Variants in KCNH1 observed in about 807,000 individuals in gnomAD.
The protein encoded by KCNH1 is voltage-gated delayed rectifier potassium channel KCNH1.
A neutral mutation model predicts 69.2 loss-of-function variants in KCNH1; 27 were observed. The observed-to-expected ratio is 0.39, with a 90% confidence interval of 0.29 to 0.54. KCNH1 has a LOEUF of 0.54. KCNH1 is among the 20% of genes least tolerant of loss of function. The pLI is 0.68. For missense variants in KCNH1, 798 were observed against 1,261.6 expected, an observed-to-expected ratio of 0.63 and a Z score of 5.57; for synonymous variants, 456 against 487.7, an observed-to-expected ratio of 0.93 and a Z score of 0.86.
chr1:210,756,711 C>T (rs1055951534), intron 10 of KCNH1, among the ~76,000 whole-genome samples: 12 of 152,210 alleles, frequency 7.9e-5, no homozygotes, highest in African/African-American at 2.9e-4. Context: ...TCACTGGTGG[C>T]CCCCTGGGAA....
intron 7 of KCNH1, among the ~76,000 whole-genome samples, chr1:210,850,314 A>G (rs1685671466): frequency 6.6e-6 from 1 of 152,072 alleles, no homozygotes; most frequent in Non-Finnish European, 1.5e-5. Context: ...CCTAGCCAAC[A>G]TGGTGAAACC....
intron 9 of KCNH1, among the ~76,000 whole-genome samples, chr1:210,783,824 C>T (rs964556269): frequency 6.6e-6 from 1 of 152,204 alleles, no homozygotes; most frequent in African/African-American, 2.4e-5. Context: ...TTTGTTGGAG[C>T]AGCTGAACCT....
intron 10 of KCNH1, among the ~76,000 whole-genome samples, chr1:210,700,521 ATTCTC>A (rs983623705): frequency 1.6e-4 from 25 of 152,112 alleles, no homozygotes; most frequent in Non-Finnish European, 3.1e-4. Flanking sequence ...TTAACCCTGT[ATTCTC>A]TTTGTCTTTT....
intron 7 of KCNH1, among the ~76,000 whole-genome samples, chr1:210,846,368 G>A (rs1685548191): frequency 6.6e-6 from 1 of 152,116 alleles, no homozygotes; most frequent in African/African-American, 2.4e-5. Flanking sequence ...CATGGTACTG[G>A]TACCAAAACA....
chr1:210,726,325 A>G (rs1682589497), intron 10 of KCNH1, among the ~76,000 whole-genome samples: 1 of 152,152 alleles, frequency 6.6e-6, no homozygotes, highest in Non-Finnish European at 1.5e-5. Flanking sequence ...TTGGGAGCAA[A>G]TTGATTATTC....
intron 6 of KCNH1, among the ~76,000 whole-genome samples, chr1:211,009,531 A>G (rs1338182969): frequency 6.6e-6 from 1 of 152,128 alleles, no homozygotes; most frequent in Non-Finnish European, 1.5e-5. Flanking sequence ...GAAGGAGGGA[A>G]GCAGAGTACG....
At chr1:210,980,090 TG>T (rs1413666962) in intron 6 of KCNH1, among the ~76,000 whole-genome samples, 1 of 152,220 alleles carries the variant, frequency 6.6e-6, no homozygotes, top group Non-Finnish European at 1.5e-5. Flanking sequence ...TTTCCTTCTA[TG>T]TTCACTTCTT....
chr1:211,047,944 T>G (rs4326688), intron 5 of KCNH1, among the ~76,000 whole-genome samples: 31,792 of 148,890 alleles, frequency 0.21, 3,550 homozygotes, highest in Non-Finnish European at 0.25. Context: ...AACAAACATA[T>G]GAAAAAATAT....
chr1:211,088,718 A>C (rs922539280), intron 4 of KCNH1, among the ~76,000 whole-genome samples: 8 of 152,214 alleles, frequency 5.3e-5, no homozygotes, highest in Non-Finnish European at 7.3e-5. Context: ...ATTTTTATGA[A>C]TCAAGCCACA....
chr1:210,895,939 A>G (rs772296782), intron 7 of KCNH1, among the ~76,000 whole-genome samples: 17 of 152,144 alleles, frequency 1.1e-4, no homozygotes, highest in Non-Finnish European at 2.2e-4. Flanking sequence ...AAGCAATCCT[A>G]CGGTAATATT....
At chr1:210,948,388 A>G (rs553855465) in intron 6 of KCNH1, among the ~76,000 whole-genome samples, 2 of 152,310 alleles carry the variant, frequency 1.3e-5, no homozygotes, top group Admixed American at 1.3e-4. Context: ...GACAGGAAGG[A>G]AATAAGCAGA....
intron 7 of KCNH1, among the ~76,000 whole-genome samples, chr1:210,905,266 G>T (rs534725619): frequency 6.6e-6 from 1 of 152,226 alleles, no homozygotes; most frequent in Non-Finnish European, 1.5e-5. Flanking sequence ...GCGAATAATA[G>T]TCCCATCTCA....
At chr1:210,715,256 A>G (rs1027117672) in intron 10 of KCNH1, among the ~76,000 whole-genome samples, 5 of 152,348 alleles carry the variant, frequency 3.3e-5, no homozygotes, top group Middle Eastern at 3.4e-3. Context: ...ACTCACACTC[A>G]GGCACTTGAG....
chr1:211,028,914 A>G (rs1689731744), intron 5 of KCNH1, among the ~76,000 whole-genome samples: 1 of 152,124 alleles, frequency 6.6e-6, no homozygotes, highest in Non-Finnish European at 1.5e-5. Context: ...CATTTTGTGA[A>G]ACTAATGTTA....
chr1:211,112,399 C>T (rs1287600192), intron 1 of KCNH1, among the ~76,000 whole-genome samples: 4 of 151,564 alleles, frequency 2.6e-5, no homozygotes, highest in Non-Finnish European at 4.4e-5. Flanking sequence ...TGCCCCGCCG[C>T]TGTGCAACTC....
At chr1:210,738,275 G>T (rs901761770) in intron 10 of KCNH1, among the ~76,000 whole-genome samples, 5 of 152,128 alleles carry the variant, frequency 3.3e-5, no homozygotes, top group African/African-American at 9.7e-5. Context: ...GGCTTCTCTG[G>T]CCACTCTACG....
In KCNH1 at chr1:210,683,179, G is replaced by T. The variant is rs565940225; in HGVS notation, c.*102C>A. ...GGCCCCACTTTTTCTGTTAGGAAAA[G>T]CCTACTTGAAAATTGTTGGTCATGT... On this transcript the variant is annotated 3_prime_UTR_variant, in exon 11 of 11. Coordinates refer to ENST00000271751, the MANE Select transcript of KCNH1 (RefSeq NM_172362.3). This position sits in a 1 kb window ranked among gnomAD's most constrained non-coding sequence, Gnocchi z 5.7. 7 of 1,148,234 alleles carry T rather than the reference G, an allele frequency of 6.1e-6. No individual in the cohort carries two copies. The African/African-American group carries it at 7.8e-5, about 13-fold the overall frequency. The allele number at this position is 1,148,234 out of a possible 1,614,324, so 71.1% of individuals were successfully genotyped here.
At chr1:211,096,811 A>T (rs1347769710) in intron 3 of KCNH1, among the ~76,000 whole-genome samples, 1 of 152,240 alleles carries the variant, frequency 6.6e-6, no homozygotes, top group Non-Finnish European at 1.5e-5. Flanking sequence ...CATGGCCAAT[A>T]AATCTTTGAA....
At chr1:211,128,614 G>A (rs1450036739) in intron 1 of KCNH1, among the ~76,000 whole-genome samples, 1 of 152,104 alleles carries the variant, frequency 6.6e-6, no homozygotes, top group Non-Finnish European at 1.5e-5. Flanking sequence ...GACACAGGTG[G>A]CGATGGCATA....
Sources: gnomAD v4.1 joint callset for allele counts (sites outside exome capture counted in the v4.1 genomes callset) on GRCh38, gnomAD v4.1.1 for gene constraint, Gnocchi (gnomAD v3.1) non-coding constraint, MANE v1.5 for transcripts, NCBI Gene and HGNC (gene_info 2026-07-23, HGNC 2026-07-21) for gene names.